FGD4: variants seen among roughly 807,000 people sequenced by gnomAD.
FGD4 encodes the protein FYVE, RhoGEF and PH domain-containing protein 4.
FGD4 carries 42 observed loss-of-function variants against 102.0 expected under a neutral mutation model. That is an observed-to-expected ratio of 0.41 (90% CI 0.32 to 0.53). FGD4 has a LOEUF of 0.53. Ranked by LOEUF, FGD4 falls within the 20% of genes least tolerant of loss-of-function variation. The pLI, the probability that FGD4 is intolerant of heterozygous loss-of-function variation, is 0.21. For missense variants in FGD4, 902 were observed against 1,078.2 expected (o/e 0.84, Z 2.29); for synonymous variants, 380 against 375.7 (o/e 1.01, Z -0.13).
At chr12:32,587,359 C>T (rs528621743) in intron 4 of FGD4, among the ~76,000 whole-genome samples, 2 of 148,590 alleles carry the variant, frequency 1.3e-5, no homozygotes, top group Non-Finnish European at 3.0e-5. Flanking sequence ...ATGGCTATTG[C>T]TTATTTTTTA....
chr12:32,526,256 G>A (rs1231754689), intron 1 of FGD4, among the ~76,000 whole-genome samples: 2 of 152,188 alleles, frequency 1.3e-5, no homozygotes, highest in East Asian at 1.9e-4. Context: ...GTATCTAGCT[G>A]CTCTGGTGAG....
chr12:32,638,844 GGGAA>G (rs748048420), intron 16 of FGD4, 49 bp downstream of exon 16: 1 of 1,612,818 alleles, frequency 6.2e-7, no homozygotes. Context: ...TGGGGGCAAG[GGGAA>G]GCGAGTGGAC....
chr12:32,564,458 A>G (rs371524820), intron 2 of FGD4, among the ~76,000 whole-genome samples, 169 bp downstream of exon 2: 1 of 152,148 alleles, frequency 6.6e-6, no homozygotes, highest in South Asian at 2.1e-4. Flanking sequence ...AGAGGTTGCT[A>G]TTTGTTCTGC....
chr12:32,404,037 T>C (rs528845481), intron 1 of FGD4, among the ~76,000 whole-genome samples: 1 of 152,052 alleles, frequency 6.6e-6, no homozygotes, highest in African/African-American at 2.4e-5. Flanking sequence ...CTTTGCCTCT[T>C]GGGCAGCATG....
intron 1 of FGD4, among the ~76,000 whole-genome samples, chr12:32,531,296 AT>A (rs1165711232): frequency 2.6e-5 from 4 of 151,938 alleles, no homozygotes; most frequent in African/African-American, 9.7e-5. Flanking sequence ...TTGCTTCTAA[AT>A]TTTTTAAAAT....
At chr12:32,531,490 C>A (rs1414079566) in intron 1 of FGD4, among the ~76,000 whole-genome samples, 2 of 152,168 alleles carry the variant, frequency 1.3e-5, no homozygotes, top group African/African-American at 2.4e-5. Context: ...GCCCTGGCAA[C>A]CTTGGATCTG....
At chr12:32,520,166 T>TC (rs769262216) in intron 1 of FGD4, among the ~76,000 whole-genome samples, 1 of 152,156 alleles carries the variant, frequency 6.6e-6, no homozygotes, top group Non-Finnish European at 1.5e-5. Flanking sequence ...GGACGATGAA[T>TC]CTCTCTTCAT....
chr12:32,501,234 T>C (rs1173798837), intron 1 of FGD4, among the ~76,000 whole-genome samples: 1 of 152,228 alleles, frequency 6.6e-6, no homozygotes, highest in Non-Finnish European at 1.5e-5. Flanking sequence ...AAAAAAATTT[T>C]CTGTGGAGAT....
intron 1 of FGD4, among the ~76,000 whole-genome samples, chr12:32,453,200 T>TATATATTATA (rs1555183324): frequency 1.5e-5 from 1 of 64,590 alleles, no homozygotes; most frequent in Non-Finnish European, 3.2e-5. Context: ...TATATATATA[T>TATATATTATA]TATATATATA....
intron 1 of FGD4, among the ~76,000 whole-genome samples, chr12:32,484,852 A>G (rs1943849247): frequency 6.6e-6 from 1 of 152,192 alleles, no homozygotes; most frequent in Non-Finnish European, 1.5e-5. Flanking sequence ...AGCCAGGGTG[A>G]CAGAGGGATA....
intron 1 of FGD4, among the ~76,000 whole-genome samples, chr12:32,479,276 A>G (rs1224427698): frequency 6.6e-6 from 1 of 152,152 alleles, no homozygotes; most frequent in Non-Finnish European, 1.5e-5. Flanking sequence ...ATACTTAATC[A>G]TATTTAATAG....
At chr12:32,566,771 A>G (rs968588178) in intron 2 of FGD4, among the ~76,000 whole-genome samples, 2 of 152,158 alleles carry the variant, frequency 1.3e-5, no homozygotes, top group African/African-American at 4.8e-5. Flanking sequence ...GGGGGTGTTA[A>G]TAGGGACCTA....
chr12:32,633,445 C>A, intron 14 of FGD4, 104 bp from the exon 15 acceptor site: 1 of 1,273,292 alleles, frequency 7.9e-7, no homozygotes, highest in Non-Finnish European at 1.1e-6. Context: ...AAAAATCTGC[C>A]TTCTATGCTT....
chr12:32,549,118 G>T (rs1173141231), intron 1 of FGD4, among the ~76,000 whole-genome samples: 1 of 152,186 alleles, frequency 6.6e-6, no homozygotes, highest in Non-Finnish European at 1.5e-5. Context: ...AGTTAAGCAG[G>T]TTTTTTTCTA....
At position 32,458,137 on chromosome 12, in the gene FGD4, A is replaced by G. The variant is rs144238376; in HGVS notation, c.166+58178A>G. ...CAGCCAATTTTTTTTGTAGCCTTGT[A>G]TGCTGGTAGCTGTGATTTTTTCTTT... On this transcript the variant is annotated intron_variant, in intron 1 of 16. Coordinates refer to ENST00000534526, the MANE Select transcript of FGD4 (RefSeq NM_001370298.3). Among the ~76,000 whole-genome samples the G allele has an allele frequency of 9.0e-4, 136 of 151,884 alleles. 1 individual carries two copies. The East Asian group carries it at 0.012, about 13-fold the overall frequency.
At chr12:32,578,535 T>TA (rs1946319876) in intron 3 of FGD4, among the ~76,000 whole-genome samples, 2 of 152,128 alleles carry the variant, frequency 1.3e-5, no homozygotes, top group East Asian at 1.9e-4. Flanking sequence ...ATACTGTTGT[T>TA]AAGACCTTAC....
chr12:32,418,863 G>A (rs928082057), intron 1 of FGD4, among the ~76,000 whole-genome samples: 1 of 152,288 alleles, frequency 6.6e-6, no homozygotes, highest in African/African-American at 2.4e-5. Flanking sequence ...AGGGATTGAA[G>A]TCAAAACCTT....
chr12:32,569,708 C>T (rs535608526), intron 2 of FGD4, among the ~76,000 whole-genome samples: 1 of 152,008 alleles, frequency 6.6e-6, no homozygotes, highest in Non-Finnish European at 1.5e-5. Context: ...TTTTTTTGTT[C>T]ATTTTTCCTT....
In FGD4 at chr12:32,506,408, C is replaced by CA. The variant is rs1037350927; in HGVS notation, c.167-57728dup. On this transcript the variant is annotated intron_variant, in intron 1 of 16. Coordinates refer to ENST00000534526, the MANE Select transcript of FGD4 (RefSeq NM_001370298.3). The surrounding 1 kb of genome is among the most constrained non-coding windows in gnomAD (Gnocchi z 4.5). ...CTATCTATATGTGAAGTAAAATGATCAGAGTGCTGCCTAGTCACTGTGGAT... is the reference window on the plus strand; with the variant it reads ...CTATCTATATGTGAAGTAAAATGATCAAGAGTGCTGCCTAGTCACTGTGGAT... Among the ~76,000 whole-genome samples, 1 of 152,092 alleles carries CA rather than the reference C, an allele frequency of 6.6e-6. No individual in the cohort carries two copies. The highest frequency in any genetic ancestry group is 2.4e-5 in the African/African-American group (1 of 41,400).
Sources: gnomAD v4.1 joint callset for allele counts (sites outside exome capture counted in the v4.1 genomes callset) on GRCh38, gnomAD v4.1.1 for gene constraint, Gnocchi (gnomAD v3.1) non-coding constraint, MANE v1.5 for transcripts, NCBI Gene and HGNC (gene_info 2026-07-23, HGNC 2026-07-21) for gene names.